The following DHX34 variants were observed in gnomAD, a reference collection of about 807,000 sequenced individuals.
DHX34 encodes the protein probable ATP-dependent RNA helicase DHX34.
A neutral mutation model predicts 111.1 loss-of-function variants in DHX34; 96 were observed. The observed-to-expected ratio is 0.86, with a 90% CI of 0.73 to 1.02. DHX34 has a LOEUF of 1.02. DHX34 is among the 50% of genes least tolerant of loss of function. The pLI, the probability that DHX34 is intolerant of heterozygous loss-of-function variation, is 0.00. For missense variants in DHX34, 1,560 were observed against 1,579.9 expected (o/e 0.99, Z 0.21); for synonymous variants, 688 against 670.4 (o/e 1.03, Z -0.41).
At chr19:47,365,555 A>G (rs1969765343) in intron 6 of DHX34, among the ~76,000 whole-genome samples, 1 of 152,054 alleles carries the variant, frequency 6.6e-6, no homozygotes, top group South Asian at 2.1e-4. Context: ...CCCGGCCTAT[A>G]AAGGTTTTTA....
intron 4 of DHX34, among the ~76,000 whole-genome samples, chr19:47,358,731 C>T (rs1361520714): frequency 2.6e-5 from 4 of 152,142 alleles, no homozygotes; most frequent in African/African-American, 4.8e-5. Flanking sequence ...TCTCCTGCCT[C>T]AGCCTCCTGA....
chr19:47,380,960 GTCACT>G lies in DHX34; in HGVS notation c.3128_3132del (p.Val1043GlyfsTer11). On this transcript the variant is annotated frameshift_variant, in exon 15 of 17. Transcript: ENST00000328771. LOFTEE classifies it high-confidence loss of function. The stretch of plus-strand genomic sequence containing the variant: ...CCACCCCACAAAGGGGGGCTACGCA[GTCACT>G]GACTTCCTCACCTACAACTGCCTCA... The G allele has an allele frequency of 1.3e-6, 2 of 1,596,112 alleles. No individual in the cohort carries two copies. The highest frequency in any genetic ancestry group is 1.7e-6 in the Non-Finnish European group (2 of 1,172,178).
intron 3 of DHX34, among the ~76,000 whole-genome samples, chr19:47,355,886 A>G (rs536748721): frequency 6.6e-6 from 1 of 152,038 alleles, no homozygotes; most frequent in South Asian, 2.1e-4. Flanking sequence ...TAAAGTCTCA[A>G]ATAAGAGAAG....
At chr19:47,371,796 C>T (rs1397442902) in intron 7 of DHX34, among the ~76,000 whole-genome samples, 1 of 152,034 alleles carries the variant, frequency 6.6e-6, no homozygotes, top group Non-Finnish European at 1.5e-5. Flanking sequence ...GATGGAGTTT[C>T]ACCAGGTTTG....
chr19:47,381,310 A>G lies in DHX34; in HGVS notation c.3284A>G (p.Gln1095Arg), dbSNP rs1319998812. The change falls in exon 16 of 17, where the codon CAG becomes CGG. Residue 1095 changes from glutamine (Q) to arginine (R), a missense_variant. Physicochemically the swap from Gln to Arg is conservative, Grantham distance 43. Coordinates refer to ENST00000328771, the MANE Select transcript of DHX34 (RefSeq NM_014681.6). ...AHENTCPQAP[Q>R]DGPPGAEEAA... ...GAGAACACCTGCCCCCAGGCCCCAC[A>G]GGATGGGCCCCCAGGTAAGCACAGG... 1 of 1,613,508 alleles carries G rather than the reference A, an allele frequency of 6.2e-7. No individual in the cohort carries two copies.
chr19:47,374,571 T>C (rs1970074544), intron 9 of DHX34, among the ~76,000 whole-genome samples: 1 of 151,982 alleles, frequency 6.6e-6, no homozygotes, highest in Non-Finnish European at 1.5e-5. Context: ...TATCCATGGA[T>C]TGAGAATAGA....
chr19:47,378,602 G>A (rs1473228069), intron 13 of DHX34, among the ~76,000 whole-genome samples: 1 of 152,146 alleles, frequency 6.6e-6, no homozygotes, highest in East Asian at 1.9e-4. Flanking sequence ...GGCTGAGGTG[G>A]GAGGATTGTT....
In DHX34 at chr19:47,355,230, G is replaced by C; in HGVS notation, c.897G>C (p.Leu299Phe). Residue 299 changes from leucine to phenylalanine, a missense_variant, in exon 3 of 17, where the codon TTG (leucine) becomes TTC (phenylalanine). Physicochemically the swap from Leu to Phe is conservative, Grantham distance 22. Coordinates refer to ENST00000328771, the MANE Select transcript of DHX34 (RefSeq NM_014681.6). ...DFLLGVLQRLLPTRPDLKVIL... is the reference protein window; with the variant it reads ...DFLLGVLQRLFPTRPDLKVIL... ...TCCTGGGCGTCCTCCAGCGCCTGTT[G>C]CCCACGCGGCCTGACCTCAAGGTCA... 6.2e-7 allele frequency: 1 copy of C among 1,614,144 alleles called. No individual in the cohort carries two copies. Among genetic ancestry groups the C allele is most frequent in the African/African-American group, 1.3e-5 (1 of 75,032 alleles).
rs1229437171 is a variant in DHX34, at chr19:47,373,719, G to C, written c.2064+19G>C. ...GTTCAAGGTGAGGCTCGGGAGGAGGGGTAAGGCCGGCCCCACTCAGGCAGA... is the reference window on the plus strand; with the variant it reads ...GTTCAAGGTGAGGCTCGGGAGGAGGCGTAAGGCCGGCCCCACTCAGGCAGA... On this transcript the variant is annotated intron_variant, in intron 9 of 16. Transcript: ENST00000328771. 6.2e-7 allele frequency: 1 copy of C among 1,609,202 alleles called. No individual in the cohort carries two copies. The highest frequency in any genetic ancestry group is 8.5e-7 in the Non-Finnish European group (1 of 1,177,796).
intron 13 of DHX34, among the ~76,000 whole-genome samples, chr19:47,378,880 G>C (rs377342810): frequency 1.3e-5 from 2 of 151,692 alleles, no homozygotes; most frequent in Admixed American, 6.6e-5. Flanking sequence ...CTATAATCCC[G>C]GCACTTTGGG....
chr19:47,354,852 C>T, intron 2 of DHX34, 187 bp from the exon 3 acceptor site: 1 of 608,046 alleles, frequency 1.6e-6, no homozygotes, highest in Non-Finnish European at 2.1e-6. Flanking sequence ...TGGGGTTTCT[C>T]TATGTTAGTC....
intron 7 of DHX34, among the ~76,000 whole-genome samples, chr19:47,372,007 T>C (rs547377618): frequency 6.0e-5 from 9 of 151,104 alleles, no homozygotes; most frequent in African/African-American, 2.2e-4. Flanking sequence ...GATGTCTAGA[T>C]GCCCGCTGTG....
chr19:47,356,194 G>A (rs1969452767), intron 3 of DHX34, among the ~76,000 whole-genome samples: 1 of 151,944 alleles, frequency 6.6e-6, no homozygotes, highest in African/African-American at 2.4e-5. Flanking sequence ...GTTCCCTCTG[G>A]GGCAAAACCA....
At chr19:47,373,059 C>A in intron 8 of DHX34, 136 bp downstream of exon 8, 1 of 1,195,462 alleles carries the variant, frequency 8.4e-7, no homozygotes, top group Non-Finnish European at 1.1e-6. Context: ...ACTGGGCCTG[C>A]CTGGGGAGGG....
In DHX34 at chr19:47,357,811, T is replaced by A. The variant is rs143460068; in HGVS notation, c.1018-55T>A. ...GTCAGCCTGCAGCCTCCCCAGCCCATTGCTCTGAGCTGGAGGGACAGGGTG... is the reference window on the plus strand; with the variant it reads ...GTCAGCCTGCAGCCTCCCCAGCCCAATGCTCTGAGCTGGAGGGACAGGGTG... On this transcript the variant is annotated intron_variant, in intron 3 of 16. Coordinates refer to ENST00000328771, the MANE Select transcript of DHX34 (RefSeq NM_014681.6). 2,466 of 1,569,156 alleles carry A rather than the reference T, an allele frequency of 1.6e-3. 47 individuals are homozygous for A. The African/African-American group carries it at 0.028, about 18-fold the overall frequency.
intron 13 of DHX34, among the ~76,000 whole-genome samples, chr19:47,379,304 T>C (rs1165945977): frequency 6.6e-6 from 1 of 151,918 alleles, no homozygotes; most frequent in Non-Finnish European, 1.5e-5. Flanking sequence ...CCCTGAGGAT[T>C]TTCCCCAACA....
intron 7 of DHX34, among the ~76,000 whole-genome samples, chr19:47,367,685 C>T (rs140016792): frequency 7.8e-4 from 119 of 152,118 alleles, no homozygotes; most frequent in African/African-American, 2.3e-3. Flanking sequence ...GTCAGCAGTT[C>T]GAGACCAGCC....
chr19:47,378,657 C>CGA (rs764267037), intron 13 of DHX34, among the ~76,000 whole-genome samples: 13 of 145,374 alleles, frequency 8.9e-5, no homozygotes, highest in Non-Finnish European at 1.9e-4. Flanking sequence ...TAGGGAGACT[C>CGA]TATCTATCTC....
chr19:47,381,042 C>A, intron 15 of DHX34, 50 bp downstream of exon 15: 1 of 1,542,898 alleles, frequency 6.5e-7, no homozygotes, highest in Non-Finnish European at 8.7e-7. Flanking sequence ...GAAGACCCCA[C>A]CACCCCGTTT....
Sources: gnomAD v4.1 joint callset for allele counts (sites outside exome capture counted in the v4.1 genomes callset) on GRCh38, gnomAD v4.1.1 for gene constraint, MANE v1.5 for transcripts, NCBI Gene and HGNC (gene_info 2026-07-23, HGNC 2026-07-21) for gene names.